Variants in ABI3BP observed in about 807,000 individuals in gnomAD.
ABI3BP encodes the protein ABI family member 3 binding protein.
A neutral mutation model predicts 268.6 loss-of-function variants in ABI3BP; 216 were observed. That is an observed-to-expected ratio of 0.80 (90% CI 0.72 to 0.90). The LOEUF (loss-of-function observed/expected upper bound fraction) is 0.90, where lower values mean the gene tolerates loss of function less well. ABI3BP is among the 40% of genes least tolerant of loss of function. The pLI is 0.00. For missense variants in ABI3BP, 2,090 were observed against 2,182.4 expected (o/e 0.96, Z 0.84); for synonymous variants, 730 against 730.0 (o/e 1.00, Z 0.00).
At chr3:100,891,602 T>C (rs1272794869) in intron 4 of ABI3BP, among the ~76,000 whole-genome samples, 1 of 152,172 alleles carries the variant, frequency 6.6e-6, no homozygotes, top group African/African-American at 2.4e-5. Flanking sequence ...GGTAAGTCAG[T>C]GTGACCAGAA....
intron 4 of ABI3BP, among the ~76,000 whole-genome samples, chr3:100,892,630 C>T (rs2045275633): frequency 6.6e-6 from 1 of 152,190 alleles, no homozygotes; most frequent in Non-Finnish European, 1.5e-5. Context: ...CTTCTGTTCT[C>T]TGTAGAACAG....
chr3:100,838,301 T>C lies in ABI3BP; in HGVS notation c.2009-17A>G, dbSNP rs1458192042. 8.5e-6 allele frequency: 13 copies of C among 1,534,922 alleles called. No homozygotes were observed. The Admixed American group carries it at 2.4e-4, about 28-fold the overall frequency. On this transcript the variant is annotated splice_polypyrimidine_tract_variant and intron_variant, in intron 25 of 67. Transcript: ENST00000471714. ...GTTTTGAACCTGAAGAAAATTAGAGTGCCATAATTAGTGTTACGGCTGAGC... is the reference window on the plus strand; with the variant it reads ...GTTTTGAACCTGAAGAAAATTAGAGCGCCATAATTAGTGTTACGGCTGAGC...
At chr3:100,824,075 T>C (rs2098310861) in intron 36 of ABI3BP, among the ~76,000 whole-genome samples, 1 of 152,168 alleles carries the variant, frequency 6.6e-6, no homozygotes, top group Admixed American at 6.5e-5. Flanking sequence ...TAATAATCGG[T>C]AGAGCATCTG....
intron 36 of ABI3BP, among the ~76,000 whole-genome samples, chr3:100,824,620 CTA>C (rs918325176): frequency 5.3e-5 from 8 of 152,334 alleles, no homozygotes; most frequent in Non-Finnish European, 1.0e-4. Flanking sequence ...AATATACTAA[CTA>C]TGTGGTTTCA....
In ABI3BP at chr3:100,816,775, G is replaced by C; in HGVS notation, c.3149-7C>G. On this transcript the variant is annotated splice_region_variant and splice_polypyrimidine_tract_variant and intron_variant, in intron 42 of 67. Transcript: ENST00000471714. ...GTCCGTTGTGTTTTAGGAGCTGAAG[G>C]AAGAAACTTTGGATTACTCTAGTGC... 1.3e-6 allele frequency: 2 copies of C among 1,535,594 alleles called. No individual in the cohort carries two copies. The highest frequency in any genetic ancestry group is 2.4e-5 in the South Asian group (2 of 84,038).
At chr3:100,819,359 A>G (rs1417799888) in intron 40 of ABI3BP, among the ~76,000 whole-genome samples, 1 of 152,114 alleles carries the variant, frequency 6.6e-6, no homozygotes, top group Admixed American at 6.6e-5. Flanking sequence ...TATTCTTCAT[A>G]ACATTTTCTT....
rs1238734683 is a variant in ABI3BP at position 100,822,739 on chromosome 3, T to A, written c.2804-67A>T. On this transcript the variant is annotated intron_variant, in intron 37 of 67. Coordinates refer to ENST00000471714, the MANE Select transcript of ABI3BP (RefSeq NM_001375547.2). The stretch of plus-strand genomic sequence containing the variant: ...CTATGATTCTGGAAGCTGTGTGAGG[T>A]AAAAAAACATGACTCTACTGCTTGA... The A allele has an allele frequency of 3.6e-6, 5 of 1,381,782 alleles. No homozygotes were observed. The Admixed American group carries it at 9.9e-5, about 27-fold the overall frequency. The allele number at this position is 1,381,782 out of a possible 1,614,324, so 85.6% of individuals were successfully genotyped here.
At chr3:100,949,379 C>T (rs967232746) in intron 1 of ABI3BP, among the ~76,000 whole-genome samples, 3 of 152,150 alleles carry the variant, frequency 2.0e-5, no homozygotes, top group African/African-American at 7.2e-5. Flanking sequence ...CCTCAGTCTC[C>T]CAAGTAGCTA....
intron 1 of ABI3BP, among the ~76,000 whole-genome samples, chr3:100,945,171 A>C (rs985017187): frequency 6.6e-6 from 1 of 152,160 alleles, no homozygotes; most frequent in African/African-American, 2.4e-5. Context: ...AAATCAGAAA[A>C]TAATTTTTTA....
chr3:100,991,295 C>T (rs35157452), intron 1 of ABI3BP, among the ~76,000 whole-genome samples: 33,058 of 152,060 alleles, frequency 0.22, 3,757 homozygotes, highest in East Asian at 0.44. Flanking sequence ...AAAACTTTTA[C>T]TCTTTTTTCT....
chr3:100,981,153 T>C (rs563643739), intron 1 of ABI3BP, among the ~76,000 whole-genome samples: 3 of 152,280 alleles, frequency 2.0e-5, no homozygotes, highest in East Asian at 1.9e-4. Context: ...TTTTCTAAGA[T>C]TGGTCATGCC....
intron 4 of ABI3BP, among the ~76,000 whole-genome samples, chr3:100,892,839 T>C (rs1276730634): frequency 6.6e-6 from 1 of 152,170 alleles, no homozygotes; most frequent in Non-Finnish European, 1.5e-5. Context: ...AGATAGAACA[T>C]GATTCCACAT....
chr3:100,904,662 G>A (rs1045234535), intron 2 of ABI3BP, among the ~76,000 whole-genome samples: 1 of 152,192 alleles, frequency 6.6e-6, no homozygotes, highest in African/African-American at 2.4e-5. Context: ...TAAGAAATAT[G>A]AATATCATCG....
chr3:100,883,663 A>G (rs891569716), intron 6 of ABI3BP, among the ~76,000 whole-genome samples: 8 of 152,140 alleles, frequency 5.3e-5, no homozygotes, highest in Admixed American at 2.0e-4. Flanking sequence ...AGCAACATAA[A>G]CTGATACATT....
intron 61 of ABI3BP, among the ~76,000 whole-genome samples, chr3:100,773,107 A>T (rs539307980): frequency 2.0e-5 from 3 of 151,920 alleles, no homozygotes; most frequent in South Asian, 2.1e-4. Flanking sequence ...AAAGAAAAAG[A>T]AAAACTATTC....
chr3:100,838,218 G>C lies in ABI3BP; in HGVS notation c.2075C>G (p.Thr692Ser). 1 of 1,536,036 alleles carries C rather than the reference G, an allele frequency of 6.5e-7. No homozygotes were observed. The highest frequency in any genetic ancestry group is 8.7e-7 in the Non-Finnish European group (1 of 1,146,444). ...QTTAEPDMPP[T>S]KSVSEPVPFE... is the part of the protein sequence containing the mutation. ...CTGGAAATTATGTTTACCGGATTTA[G>C]TTGGTGGCATGTCTGGTTCTGCTGT... The change falls in exon 26 of 68, where the codon ACT becomes AGT. Residue 692 changes from threonine (T) to serine (S), a missense_variant. Coordinates refer to ENST00000471714, the MANE Select transcript of ABI3BP (RefSeq NM_001375547.2).
At position 100,852,264 on chromosome 3, in the gene ABI3BP, A is replaced by G. The variant is rs116506949; in HGVS notation, c.1286-324T>C. ...AAGAGCTGCAAAGAGTATAAACATA[A>G]ATAAAGTCAGATGGCAGTTTGGGGA... On this transcript the variant is annotated intron_variant, in intron 14 of 67. Transcript: ENST00000471714. Among the ~76,000 whole-genome samples the G allele has an allele frequency of 5.3e-3, 810 of 152,322 alleles. 10 individuals carry two copies. The highest frequency in any genetic ancestry group is 0.019 in the African/African-American group (789 of 41,574).
At chr3:100,871,878 C>G (rs1297933657) in intron 9 of ABI3BP, among the ~76,000 whole-genome samples, 1 of 152,042 alleles carries the variant, frequency 6.6e-6, no homozygotes, top group East Asian at 1.9e-4. Flanking sequence ...GCTCTGTTGC[C>G]CAGGCTGTAG....
At chr3:100,940,786 CTATATATATA>C (rs1167503911) in intron 1 of ABI3BP, among the ~76,000 whole-genome samples, 181 of 10,136 alleles carry the variant, frequency 0.018, 15 homozygotes, top group South Asian at 0.029. Context: ...AATTACTTCA[CTATATATATA>C]TATATATATA....
Sources: gnomAD v4.1 joint callset for allele counts (sites outside exome capture counted in the v4.1 genomes callset) on GRCh38, gnomAD v4.1.1 for gene constraint, MANE v1.5 for transcripts, NCBI Gene and HGNC (gene_info 2026-07-23, HGNC 2026-07-21) for gene names.